WDFY2: variants seen among roughly 807,000 people sequenced by gnomAD.
WDFY2 encodes WD repeat and FYVE domain-containing protein 2.
In WDFY2, 36 loss-of-function variants were observed where a neutral mutation model predicts 56.4. The observed-to-expected ratio is 0.64, with a 90% CI of 0.49 to 0.84. The LOEUF is 0.84. Ranked by LOEUF, WDFY2 falls within the 40% of genes least tolerant of loss-of-function variation. WDFY2 has a pLI of 0.00. For missense variants in WDFY2, 444 were observed against 512.2 expected, an observed-to-expected ratio of 0.87 and a Z score of 1.29; for synonymous variants, 176 against 183.7, an observed-to-expected ratio of 0.96 and a Z score of 0.34.
At chr13:51,750,274 T>A (rs1294703575) in intron 7 of WDFY2, among the ~76,000 whole-genome samples, 4 of 152,210 alleles carry the variant, frequency 2.6e-5, no homozygotes, top group African/African-American at 9.7e-5. Flanking sequence ...CAAGTTCTTT[T>A]AATTTAAAAG....
In WDFY2 at chr13:51,693,064, G is replaced by A. The variant is rs1424680549; in HGVS notation, c.280-10532G>A. ...TATCCCCTTTATCATTTTTTATTGC[G>A]TCTATTTGATTCTTCTCTCTTTTTT... On this transcript the variant is annotated intron_variant, in intron 3 of 11. Transcript: ENST00000298125. Among the ~76,000 whole-genome samples the A allele has an allele frequency of 2.5e-3, 378 of 150,396 alleles. 1 individual carries two copies. Among genetic ancestry groups the A allele is most frequent in the Middle Eastern group, 6.8e-3 (2 of 294 alleles).
intron 1 of WDFY2, among the ~76,000 whole-genome samples, chr13:51,647,509 C>G (rs562479274): frequency 2.0e-5 from 3 of 152,296 alleles, no homozygotes; most frequent in East Asian, 1.9e-4. Flanking sequence ...AATCCCAGCT[C>G]TTTGGGAGGC....
chr13:51,587,998 A>T (rs990908798), intron 1 of WDFY2: 10 of 152,236 alleles, frequency 6.6e-5, no homozygotes, highest in African/African-American at 2.4e-4. Context: ...AAAGGAATAG[A>T]AGAAATGTAA....
In WDFY2 at chr13:51,709,563, G is replaced by C. The variant is rs146827416; in HGVS notation, c.334+5913G>C. Reference sequence around the variant, plus strand: ...CAAAACTAATAAAGAGGAAAAGAGAGAAGAATCAAATAGATGCAATAAAAA... The same window carrying C: ...CAAAACTAATAAAGAGGAAAAGAGACAAGAATCAAATAGATGCAATAAAAA... On this transcript the variant is annotated intron_variant, in intron 4 of 11. Coordinates refer to ENST00000298125, the MANE Select transcript of WDFY2 (RefSeq NM_052950.4). Among the ~76,000 whole-genome samples, 243 of 152,118 alleles carry C rather than the reference G, an allele frequency of 1.6e-3. 5 individuals are homozygous for C. In the East Asian group the frequency reaches 0.041, roughly 26 times the overall value.
chr13:51,695,622 G>C (rs558261481), intron 3 of WDFY2, among the ~76,000 whole-genome samples: 2 of 152,330 alleles, frequency 1.3e-5, no homozygotes, highest in Admixed American at 6.5e-5. Flanking sequence ...TAGGCTGCTC[G>C]GGGGTCAGGG....
At chr13:51,690,418 T>A (rs1237809557) in intron 3 of WDFY2, among the ~76,000 whole-genome samples, 1 of 147,078 alleles carries the variant, frequency 6.8e-6, no homozygotes, top group Non-Finnish European at 1.5e-5. Context: ...ATTGTTCAAT[T>A]CCCACCTATG....
chr13:51,662,966 A>G (rs1041125054), intron 2 of WDFY2, among the ~76,000 whole-genome samples: 1 of 152,190 alleles, frequency 6.6e-6, no homozygotes, highest in South Asian at 2.1e-4. Context: ...CTTGGGTTCT[A>G]CCCCAGAGCT....
At position 51,658,715 on chromosome 13, in the gene WDFY2, C is replaced by T. The variant is rs117917816; in HGVS notation, c.138-1881C>T. 3.4e-3 allele frequency among the ~76,000 whole-genome samples: 511 copies of T among 152,192 alleles called. 2 individuals carry two copies. The highest frequency in any genetic ancestry group is 5.4e-3 in the Non-Finnish European group (365 of 67,996). ...GAAGAGTGAATGCCGATATGCGTAT[C>T]GCTATATTAGCAGTATGTGTATGCA... is the stretch of plus-strand genomic sequence containing the variant. On this transcript the variant is annotated intron_variant, in intron 1 of 11. Transcript: ENST00000298125.
intron 1 of WDFY2, among the ~76,000 whole-genome samples, chr13:51,657,951 C>A (rs1478247225): frequency 2.6e-5 from 4 of 151,986 alleles, no homozygotes; most frequent in Non-Finnish European, 5.9e-5. Flanking sequence ...CTGTCAATTT[C>A]TTTTTTTCTG....
chr13:51,627,799 G>A (rs1424996077), intron 1 of WDFY2, among the ~76,000 whole-genome samples: 6 of 152,144 alleles, frequency 3.9e-5, no homozygotes, highest in Admixed American at 1.3e-4. Context: ...CCTGCAGTAG[G>A]TGGCTCCTCT....
chr13:51,687,343 A>G (rs949669590), intron 3 of WDFY2, among the ~76,000 whole-genome samples: 10 of 151,994 alleles, frequency 6.6e-5, no homozygotes, highest in African/African-American at 2.2e-4. Context: ...TATAATTTAT[A>G]TATGTTAGAA....
chr13:51,699,716 A>G (rs1951944976), intron 3 of WDFY2, among the ~76,000 whole-genome samples: 1 of 152,188 alleles, frequency 6.6e-6, no homozygotes, highest in Non-Finnish European at 1.5e-5. Flanking sequence ...TAAGCTGTCA[A>G]ATGAAGATGG....
At chr13:51,683,031 C>T (rs1043400480) in intron 3 of WDFY2, among the ~76,000 whole-genome samples, 1 of 152,108 alleles carries the variant, frequency 6.6e-6, no homozygotes, top group Non-Finnish European at 1.5e-5. Flanking sequence ...GTTTCTTATC[C>T]AAGTTGTTGC....
chr13:51,692,540 A>T (rs974832497), intron 3 of WDFY2, among the ~76,000 whole-genome samples: 13 of 152,206 alleles, frequency 8.5e-5, no homozygotes, highest in Non-Finnish European at 2.9e-5. Context: ...CCCAGGGATG[A>T]AGCCCACTTG....
At chr13:51,628,569 TC>T (rs1200462327) in intron 1 of WDFY2, among the ~76,000 whole-genome samples, 2 of 152,106 alleles carry the variant, frequency 1.3e-5, no homozygotes, top group Non-Finnish European at 1.5e-5. Context: ...TTCCGCCTGT[TC>T]CTTGCTCCCA....
chr13:51,755,551 T>G (rs984449222), intron 9 of WDFY2, 92 bp downstream of exon 9: 1 of 1,239,902 alleles, frequency 8.1e-7, no homozygotes, highest in Non-Finnish European at 1.2e-6. Context: ...GGGTGGGAGT[T>G]GTGGTGAGGG....
chr13:51,650,189 G>A (rs1004664859), intron 1 of WDFY2, among the ~76,000 whole-genome samples: 1 of 152,008 alleles, frequency 6.6e-6, no homozygotes, highest in Non-Finnish European at 1.5e-5. Context: ...AATTGTGAAT[G>A]GGAGTTCACT....
At chr13:51,618,043 C>T (rs1257183844) in intron 1 of WDFY2, among the ~76,000 whole-genome samples, 2 of 152,132 alleles carry the variant, frequency 1.3e-5, no homozygotes, top group African/African-American at 4.8e-5. Context: ...TTGATGTAGA[C>T]GTACACATTA....
chr13:51,658,114 C>T (rs1955543724), intron 1 of WDFY2, among the ~76,000 whole-genome samples: 1 of 152,100 alleles, frequency 6.6e-6, no homozygotes, highest in Non-Finnish European at 1.5e-5. Context: ...ATAATTCTCC[C>T]TCTCCAGAGG....
Sources: gnomAD v4.1 joint callset for allele counts (sites outside exome capture counted in the v4.1 genomes callset) on GRCh38, gnomAD v4.1.1 for gene constraint, MANE v1.5 for transcripts, NCBI Gene and HGNC (gene_info 2026-07-23, HGNC 2026-07-21) for gene names.